Variants in ANKAR observed in about 807,000 individuals in gnomAD.
ANKAR encodes the protein ankyrin and armadillo repeat-containing protein.
A neutral mutation model predicts 146.2 loss-of-function variants in ANKAR; 136 were observed. The ratio of observed to expected loss-of-function variants is 0.93; its 90% confidence interval spans 0.81 to 1.07. The LOEUF is 1.07. Ranked by LOEUF, ANKAR falls within the 50% of genes least tolerant of loss-of-function variation. The probability of loss-of-function intolerance (pLI) is 0.00; values close to 1 mark genes in which losing one functional copy is unlikely to be tolerated. For synonymous variants in ANKAR, 500 were observed against 575.8 expected (o/e 0.87, Z 1.88); for missense variants, 1,567 against 1,679.9 (o/e 0.93, Z 1.18).
downstream of ANKAR, chr2:189,762,550 C>A: frequency 3.1e-6 from 3 of 973,510 alleles, no homozygotes; most frequent in Non-Finnish European, 3.7e-6. Context: ...GCCAAGAAAG[C>A]TGCAGGCTGA....
intron 9 of ANKAR, among the ~76,000 whole-genome samples, chr2:189,710,745 T>C (rs1303416915): frequency 1.3e-5 from 2 of 152,202 alleles, no homozygotes; most frequent in African/African-American, 2.4e-5. Context: ...CAGGCTGCAG[T>C]GAGCTGTGAT....
chr2:189,707,749 T>C (rs868530813), intron 9 of ANKAR, among the ~76,000 whole-genome samples: 4 of 152,036 alleles, frequency 2.6e-5, no homozygotes, highest in Middle Eastern at 3.4e-3. Context: ...GATTAAACAT[T>C]ATTAATACCA....
At chr2:189,678,720 A>G (rs532013999) in intron 2 of ANKAR, among the ~76,000 whole-genome samples, 1 of 152,222 alleles carries the variant, frequency 6.6e-6, no homozygotes, top group African/African-American at 2.4e-5. Context: ...GCTTTGTCAA[A>G]GATCAGTTGC....
chr2:189,762,910 C>G, downstream of ANKAR: 1 of 985,388 alleles, frequency 1.0e-6, no homozygotes, highest in East Asian at 1.1e-4. Flanking sequence ...CTGTGCGCAC[C>G]TGCATTTCCC....
chr2:189,728,076 A>G lies in ANKAR; in HGVS notation c.2856A>G (p.Lys952=), dbSNP rs150136487. 2.8e-4 allele frequency: 455 copies of G among 1,612,268 alleles called. No individual in the cohort carries two copies. In the Middle Eastern group the frequency reaches 6.3e-3, roughly 22 times the overall value. Residue 952 remains lysine (K), a synonymous_variant, in exon 13 of 23, where the codon AAA becomes AAG. Coordinates refer to ENST00000684021, the MANE Select transcript of ANKAR (RefSeq NM_001378068.1). ...CATTTCTGGAAAAATCGTTAACTAA[A>G]TATCTTTTAAAACTCCTAAAGGTAG... The part of the protein sequence containing the change: ...QKAFLEKSLT[K]YLLKLLKAFQ...
At chr2:189,750,141 T>C (rs1001934378), downstream of ANKAR, among the ~76,000 whole-genome samples, 1 of 151,264 alleles carries the variant, frequency 6.6e-6, no homozygotes, top group Non-Finnish European at 1.5e-5. Flanking sequence ...ATAATAATGA[T>C]AAAAAAAAAT....
At chr2:189,721,350 A>G (rs2041211273) in intron 12 of ANKAR, among the ~76,000 whole-genome samples, 1 of 152,190 alleles carries the variant, frequency 6.6e-6, no homozygotes, top group East Asian at 1.9e-4. Flanking sequence ...CATATTCTTT[A>G]AAAAAGTTTA....
chr2:189,755,933 C>T (rs1001810857), intron 18 of ANKAR, among the ~76,000 whole-genome samples: 9 of 151,928 alleles, frequency 5.9e-5, no homozygotes, highest in Non-Finnish European at 1.0e-4. Flanking sequence ...GAGATTACTG[C>T]GAAAGTATTT....
At chr2:189,708,477 C>T (rs2039261613) in intron 9 of ANKAR, among the ~76,000 whole-genome samples, 1 of 152,204 alleles carries the variant, frequency 6.6e-6, no homozygotes, top group Non-Finnish European at 1.5e-5. Context: ...TTACAGTCCT[C>T]ATACAACCAT....
rs773947680 is a variant in ANKAR at position 189,696,107 on chromosome 2, T to G, written c.1489-43T>G. On this transcript the variant is annotated intron_variant, in intron 6 of 22. Transcript: ENST00000684021. ...GTATTTTTTTCCTTAAACCAAACTT[T>G]AGGTGCATTTTGATAAACTGATTCT... 2.5e-6 allele frequency: 4 copies of G among 1,585,862 alleles called. No homozygotes were observed. In the South Asian group the frequency reaches 3.3e-5, roughly 13 times the overall value.
chr2:189,742,136 G>A (rs1346531748), intron 20 of ANKAR, among the ~76,000 whole-genome samples: 2 of 152,080 alleles, frequency 1.3e-5, no homozygotes, highest in East Asian at 3.9e-4. Flanking sequence ...CCACCTTTAG[G>A]GTATATCAGA....
rs1267533260 is a variant in ANKAR, at chr2:189,752,691, G to C, written c.*584+7903G>C. The C allele has an allele frequency of 3.7e-6, 6 of 1,613,678 alleles. No individual in the cohort carries two copies. The African/African-American group carries it at 8.0e-5, about 22-fold the overall frequency. On this transcript the variant is annotated intron_variant and NMD_transcript_variant, in intron 18 of 18. Coordinates refer to the ANKAR transcript ENST00000441800. ...GGATGCCTTCTATGTCATGTAAAAT[G>C]CCCAAGCCAGCACGTAGTCTTTCAA...
At chr2:189,728,122 A>AT in intron 13 of ANKAR, 25 bp downstream of exon 13, 2 of 1,571,626 alleles carry the variant, frequency 1.3e-6, no homozygotes, top group Non-Finnish European at 1.7e-6. Flanking sequence ...ATTACTGGTC[A>AT]TTTTTCTTAG....
rs376427339 is a variant in ANKAR, at chr2:189,754,080, G to T, written c.*585-7018G>T. ...TTCTCAATACCTGCAGAAATGAGCA[G>T]CTATTTTTAGGCACAATCCAGGAAT... On this transcript the variant is annotated intron_variant and NMD_transcript_variant, in intron 18 of 18. Transcript: ENST00000441800. 4 of 1,611,736 alleles carry T rather than the reference G, an allele frequency of 2.5e-6. No homozygotes were observed. In the African/African-American group the frequency reaches 5.3e-5, roughly 22 times the overall value.
At chr2:189,744,990 T>TCTA (rs543460540) in intron 22 of ANKAR, among the ~76,000 whole-genome samples, 7 of 112,412 alleles carry the variant, frequency 6.2e-5, no homozygotes, top group African/African-American at 2.1e-4. Flanking sequence ...AAACCCCATC[T>TCTA]CTACTACTAC....
chr2:189,679,717 T>C (rs2034341113), intron 2 of ANKAR, among the ~76,000 whole-genome samples: 2 of 152,186 alleles, frequency 1.3e-5, no homozygotes. Context: ...TCTATTGAGA[T>C]GATTTTTGTT....
At chr2:189,736,964 C>T (rs1158730039) in intron 17 of ANKAR, among the ~76,000 whole-genome samples, 1 of 151,344 alleles carries the variant, frequency 6.6e-6, no homozygotes, top group Admixed American at 6.6e-5. Context: ...GTCTTAGCTA[C>T]TTGGGAGGCT....
chr2:189,694,365 A>G (rs1055724602), intron 5 of ANKAR, among the ~76,000 whole-genome samples: 6 of 152,194 alleles, frequency 3.9e-5, no homozygotes, highest in Admixed American at 6.5e-5. Context: ...GGGCATGGGA[A>G]GGGTACCTCA....
At chr2:189,677,856 G>T (rs2033989225) in intron 2 of ANKAR, among the ~76,000 whole-genome samples, 1 of 151,940 alleles carries the variant, frequency 6.6e-6, no homozygotes, top group African/African-American at 2.4e-5. Context: ...CCTTTAGACT[G>T]GTTCCATGTT....
Sources: allele counts gnomAD v4.1 joint callset (sites outside exome capture counted in the v4.1 genomes callset), GRCh38; gene constraint gnomAD v4.1.1; transcripts MANE v1.5; gene names NCBI Gene and HGNC (gene_info 2026-07-23, HGNC 2026-07-21).